CCDC66: variants seen among roughly 807,000 people sequenced by gnomAD.
CCDC66 encodes the protein coiled-coil domain containing 66, also known as coiled-coil domain-containing protein 66.
CCDC66 carries 133 observed loss-of-function variants against 128.3 expected under a neutral mutation model. That is an observed-to-expected ratio of 1.04 (90% CI 0.90 to 1.20). The LOEUF is 1.20. Among genes scored for constraint, CCDC66 ranks in the 50% most tolerant of loss-of-function variants. CCDC66 has a pLI of 0.00. For synonymous variants in CCDC66, 387 were observed against 357.0 expected, an observed-to-expected ratio of 1.08 and a Z score of -0.95; for missense variants, 1,126 against 1,075.5, an observed-to-expected ratio of 1.05 and a Z score of -0.66.
At chr3:56,611,156 C>T (rs9873327) in intron 10 of CCDC66, among the ~76,000 whole-genome samples, 2,051 of 151,994 alleles carry the variant, frequency 0.013, 40 homozygotes, top group African/African-American at 0.045. Context: ...TTTTGTCTTC[C>T]GATACCAGGG....
In CCDC66 at chr3:56,576,331, T is replaced by C. The variant is rs1458300993; in HGVS notation, c.936+5029T>C. On this transcript the variant is annotated intron_variant, in intron 7 of 17. Coordinates refer to ENST00000394672, the MANE Select transcript of CCDC66 (RefSeq NM_001141947.3). ...TTTTTATTGTTTTGGTTAAGTTTAT[T>C]CCTAAGTATTTTTTCTTTTTGATGC... 4.0e-5 allele frequency among the ~76,000 whole-genome samples: 6 copies of C among 151,446 alleles called. No homozygotes were observed. The East Asian group carries it at 1.2e-3, about 30-fold the overall frequency.
At chr3:56,615,441 G>T in intron 12 of CCDC66, 169 bp downstream of exon 12, 1 of 645,606 alleles carries the variant, frequency 1.5e-6, no homozygotes, top group East Asian at 3.2e-5. Context: ...ATGGAATCTC[G>T]CTTTGTTGCC....
In CCDC66 at chr3:56,557,241, C is replaced by A. The variant is rs1445011386; in HGVS notation, c.-2C>A. 1.8e-6 allele frequency: 2 copies of A among 1,124,580 alleles called. No homozygotes were observed. Among genetic ancestry groups the A allele is most frequent in the Non-Finnish European group, 2.5e-6 (2 of 791,368 alleles). The allele number at this position is 1,124,580 out of a possible 1,614,324, so 69.7% of individuals were successfully genotyped here. ...TCTGTGGAGAGAGTGCGAGGTCAGG[C>A]CATGAACTTGGGGTAAGCAGGGGTA... On this transcript the variant is annotated 5_prime_UTR_variant, in exon 1 of 18. Transcript: ENST00000394672.
At chr3:56,558,355 ATG>A in intron 1 of CCDC66, among the ~76,000 whole-genome samples, 1 of 151,340 alleles carries the variant, frequency 6.6e-6, no homozygotes, top group Admixed American at 6.6e-5. Flanking sequence ...AAATATCACT[ATG>A]TATTATTTGA....
At chr3:56,571,068 A>G in intron 6 of CCDC66, 113 bp from the exon 7 acceptor site, 1 of 702,998 alleles carries the variant, frequency 1.4e-6, no homozygotes, top group Non-Finnish European at 2.2e-6. Flanking sequence ...CCTTCCTAAA[A>G]AAGAGTTTTG....
intron 4 of CCDC66, among the ~76,000 whole-genome samples, chr3:56,566,141 T>TTTTGTTTTGTTTTGTTTTG (rs1160392116): frequency 6.4e-5 from 2 of 31,260 alleles, no homozygotes; most frequent in Admixed American, 6.6e-4. Context: ...GTTTTGTTTT[T>TTTTGTTTTGTTTTGTTTTG]TTGAGACGAC....
chr3:56,610,467 T>C (rs1407891493), intron 10 of CCDC66, among the ~76,000 whole-genome samples: 1 of 152,234 alleles, frequency 6.6e-6, no homozygotes, highest in Admixed American at 6.5e-5. Flanking sequence ...TTTCTCCCTT[T>C]ACTTCTTGTA....
At chr3:56,567,326 G>C (rs964150936) in intron 6 of CCDC66, among the ~76,000 whole-genome samples, 3 of 152,156 alleles carry the variant, frequency 2.0e-5, no homozygotes, top group Non-Finnish European at 2.9e-5. Flanking sequence ...GGAGGCAGAG[G>C]TTGCAGTGAG....
At position 56,621,641 on chromosome 3, in the gene CCDC66, C is replaced by T; in HGVS notation, c.*23C>T. The T allele has an allele frequency of 2.0e-6, 3 of 1,501,566 alleles. No homozygotes were observed. Among genetic ancestry groups the T allele is most frequent in the South Asian group, 1.2e-5 (1 of 84,706 alleles). 93.0% of individuals were successfully genotyped at this position (1,501,566 alleles called of 1,614,324 possible). On this transcript the variant is annotated 3_prime_UTR_variant, in exon 18 of 18. Transcript: ENST00000394672. ...TAAATGTAGAAAATCAAATCCTTCACATTTGATTTGTGTCTTCCAAATTAT... is the reference window on the plus strand; with the variant it reads ...TAAATGTAGAAAATCAAATCCTTCATATTTGATTTGTGTCTTCCAAATTAT...
chr3:56,619,232 T>C (rs768595683), intron 15 of CCDC66, 39 bp from the exon 16 acceptor site: 8 of 1,437,760 alleles, frequency 5.6e-6, no homozygotes, highest in Middle Eastern at 2.3e-4. Context: ...ATATACTTAA[T>C]CTAAATACAC....
chr3:56,621,653 G>T lies in CCDC66; in HGVS notation c.*35G>T. The T allele has an allele frequency of 7.0e-7, 1 of 1,425,808 alleles. No homozygotes were observed. Among genetic ancestry groups the T allele is most frequent in the Non-Finnish European group, 9.7e-7 (1 of 1,027,526 alleles). The allele number at this position is 1,425,808 out of a possible 1,614,324, so 88.3% of individuals were successfully genotyped here. On this transcript the variant is annotated 3_prime_UTR_variant, in exon 18 of 18. Coordinates refer to ENST00000394672, the MANE Select transcript of CCDC66 (RefSeq NM_001141947.3). Reference sequence around the variant, plus strand: ...ATCAAATCCTTCACATTTGATTTGTGTCTTCCAAATTATAAAATGTGCTCA... The same window carrying T: ...ATCAAATCCTTCACATTTGATTTGTTTCTTCCAAATTATAAAATGTGCTCA...
Position 56,621,604 on chromosome 3 carries a change from G to A in CCDC66, c.2833G>A (p.Gly945Ser). ...PLAENQEESF[G>S]SSF ...AGCTGAAAATCAAGAAGAGAGTTTT[G>A]GTTCTTCATTTTAAATGTAGAAAAT... The change falls in exon 18 of 18, where the codon GGT (glycine) becomes AGT (serine). Residue 945 changes from glycine to serine, a missense_variant. By Grantham distance (56) the Gly-to-Ser change is moderately conservative. Transcript: ENST00000394672. 6.3e-7 allele frequency: 1 copy of A among 1,592,100 alleles called. No homozygotes were observed. Among genetic ancestry groups the A allele is most frequent in the Non-Finnish European group, 8.6e-7 (1 of 1,169,510 alleles).
chr3:56,604,087 T>TA, intron 10 of CCDC66, among the ~76,000 whole-genome samples: 1 of 152,200 alleles, frequency 6.6e-6, no homozygotes, highest in Middle Eastern at 3.4e-3. Flanking sequence ...AAGTCTGTTT[T>TA]ATCAGAGACT....
At chr3:56,580,069 C>CT (rs1223304701) in intron 7 of CCDC66, among the ~76,000 whole-genome samples, 1 of 151,794 alleles carries the variant, frequency 6.6e-6, no homozygotes, top group Non-Finnish European at 1.5e-5. Flanking sequence ...TCTCTAAGGA[C>CT]TTGCTTTATG....
chr3:56,560,563 T>G (rs1202373541), intron 3 of CCDC66, among the ~76,000 whole-genome samples: 1 of 152,326 alleles, frequency 6.6e-6, no homozygotes, highest in South Asian at 2.1e-4. Flanking sequence ...AAACCCCATC[T>G]TTATGAAAAA....
rs562988429 is a variant in CCDC66, at chr3:56,558,745, C to G, written c.12-101C>G. 109 of 861,302 alleles carry G rather than the reference C, an allele frequency of 1.3e-4. 1 individual carries two copies. In the South Asian group the frequency reaches 1.4e-3, roughly 11 times the overall value. 53.4% of individuals were successfully genotyped at this position (861,302 alleles called of 1,614,324 possible). ...TGTGTACAAGATTCCTGCATAAATTCAAAATAATGGATTTATTGTCAGGTT... is the reference window on the plus strand; with the variant it reads ...TGTGTACAAGATTCCTGCATAAATTGAAAATAATGGATTTATTGTCAGGTT... On this transcript the variant is annotated intron_variant, in intron 1 of 17. Coordinates refer to ENST00000394672, the MANE Select transcript of CCDC66 (RefSeq NM_001141947.3).
At chr3:56,603,627 T>G (rs1052299251) in intron 10 of CCDC66, among the ~76,000 whole-genome samples, 1 of 152,086 alleles carries the variant, frequency 6.6e-6, no homozygotes, top group African/African-American at 2.4e-5. Flanking sequence ...GAGTTCTAAT[T>G]TGATTGCACT....
intron 7 of CCDC66, among the ~76,000 whole-genome samples, chr3:56,576,448 G>A (rs1399478322): frequency 1.3e-5 from 2 of 150,772 alleles, no homozygotes; most frequent in Non-Finnish European, 2.9e-5. Flanking sequence ...GGGTAAATGT[G>A]CACAACATGC....
At position 56,597,777 on chromosome 3, in the gene CCDC66, G is replaced by GTTTTTTTTTT. The variant is rs3064563; in HGVS notation, c.1404+3755_1404+3764dup. Among the ~76,000 whole-genome samples, 24 of 87,958 alleles carry GTTTTTTTTTT rather than the reference G, an allele frequency of 2.7e-4. 2 individuals carry two copies. In the South Asian group the frequency reaches 4.3e-3, roughly 16 times the overall value. 57.7% of individuals were successfully genotyped at this position (87,958 alleles called of 152,430 possible). ...TGTGGAGTCTAGGTTTTGTTTTGGG[G>GTTTTTTTTTT]TTTTTTTTTTTTTTTGAGACAGAGC... On this transcript the variant is annotated intron_variant, in intron 10 of 17. Coordinates refer to ENST00000394672, the MANE Select transcript of CCDC66 (RefSeq NM_001141947.3).
Sources: allele counts gnomAD v4.1 joint callset (sites outside exome capture counted in the v4.1 genomes callset), GRCh38; gene constraint gnomAD v4.1.1; transcripts MANE v1.5; gene names NCBI Gene and HGNC (gene_info 2026-07-23, HGNC 2026-07-21).